Variants in EVI5 observed in about 807,000 individuals in gnomAD.
The protein encoded by EVI5 is ecotropic viral integration site 5 protein homolog.
EVI5 carries 73 observed loss-of-function variants against 112.0 expected under a neutral mutation model. The ratio of observed to expected loss-of-function variants is 0.65; its 90% CI spans 0.54 to 0.79. The LOEUF (loss-of-function observed/expected upper bound fraction) is 0.79. Ranked by LOEUF, EVI5 falls within the 30% of genes least tolerant of loss-of-function variation. The probability of loss-of-function intolerance (pLI) is 0.00; values close to 1 mark genes in which losing one functional copy is unlikely to be tolerated. For missense variants in EVI5, 900 were observed against 968.8 expected, an observed-to-expected ratio of 0.93 and a Z score of 0.94; for synonymous variants, 305 against 319.9, an observed-to-expected ratio of 0.95 and a Z score of 0.50.
intron 19 of EVI5, among the ~76,000 whole-genome samples, chr1:92,522,756 ACATT>A (rs886526368): frequency 6.6e-6 from 1 of 151,910 alleles, no homozygotes; most frequent in African/African-American, 2.4e-5. Context: ...AAAGTTTAAA[ACATT>A]CATTCATTCA....
At chr1:92,547,641 A>T (rs961277051) in intron 19 of EVI5, among the ~76,000 whole-genome samples, 1 of 152,170 alleles carries the variant, frequency 6.6e-6, no homozygotes, top group Non-Finnish European at 1.5e-5. Context: ...TCAAATAGAC[A>T]CAATAAAAAA....
intron 19 of EVI5, among the ~76,000 whole-genome samples, chr1:92,534,472 A>G (rs1056189977): frequency 2.0e-5 from 3 of 152,218 alleles, no homozygotes; most frequent in African/African-American, 7.2e-5. Context: ...CGTATAGCCA[A>G]GACAATCCTA....
At chr1:92,684,744 G>C (rs1322879285) in intron 9 of EVI5, among the ~76,000 whole-genome samples, 1 of 151,798 alleles carries the variant, frequency 6.6e-6, no homozygotes, top group Non-Finnish European at 1.5e-5. Context: ...AAAAAAGCAT[G>C]GGTTGCAATC....
At chr1:92,588,299 C>T (rs1410557974) in intron 18 of EVI5, among the ~76,000 whole-genome samples, 1 of 152,158 alleles carries the variant, frequency 6.6e-6, no homozygotes, top group Non-Finnish European at 1.5e-5. Context: ...AGTTTTAGGT[C>T]CTACATAATT....
intron 2 of EVI5, among the ~76,000 whole-genome samples, chr1:92,717,481 G>A (rs1673931395): frequency 6.6e-6 from 1 of 152,172 alleles, no homozygotes; most frequent in Non-Finnish European, 1.5e-5. Flanking sequence ...ATCCTTTACA[G>A]ACAAGCAAAT....
chr1:92,783,662 A>T (rs1685183593), intron 1 of EVI5, among the ~76,000 whole-genome samples: 1 of 151,434 alleles, frequency 6.6e-6, no homozygotes. Flanking sequence ...AAATACAAAA[A>T]TTAGCTGGGA....
At chr1:92,709,454 T>C (rs1404058070) in intron 2 of EVI5, among the ~76,000 whole-genome samples, 1 of 152,200 alleles carries the variant, frequency 6.6e-6, no homozygotes, top group Non-Finnish European at 1.5e-5. Context: ...TAAGCCCTTC[T>C]GAACTTTTTA....
At chr1:92,526,159 A>G (rs1455907955) in intron 19 of EVI5, among the ~76,000 whole-genome samples, 1 of 152,164 alleles carries the variant, frequency 6.6e-6, no homozygotes, top group Non-Finnish European at 1.5e-5. Context: ...CCCTGGCTCA[A>G]GTGAGCCTTC....
At chr1:92,628,285 A>T (rs753862354) in intron 14 of EVI5, among the ~76,000 whole-genome samples, 8 of 151,926 alleles carry the variant, frequency 5.3e-5, no homozygotes, top group Non-Finnish European at 1.0e-4. Flanking sequence ...TTGTCTGTTC[A>T]CTCTGCTGAC....
At chr1:92,777,830 G>A (rs1308118287) in intron 1 of EVI5, among the ~76,000 whole-genome samples, 1 of 151,992 alleles carries the variant, frequency 6.6e-6, no homozygotes, top group Non-Finnish European at 1.5e-5. Context: ...CATTATGACA[G>A]GGAGAATGAG....
chr1:92,674,543 G>C (rs1002884484), intron 10 of EVI5, among the ~76,000 whole-genome samples: 4 of 152,080 alleles, frequency 2.6e-5, no homozygotes, highest in African/African-American at 9.7e-5. Flanking sequence ...TCAGGGGGTG[G>C]AGGGCTAGGG....
chr1:92,714,040 G>GA, intron 2 of EVI5: 1 of 984,436 alleles, frequency 1.0e-6, no homozygotes, highest in Non-Finnish European at 1.2e-6. Flanking sequence ...ATTTTAAAAT[G>GA]AAAAAAGAAA....
At chr1:92,530,146 A>G (rs1435838324) in intron 19 of EVI5, among the ~76,000 whole-genome samples, 2 of 152,192 alleles carry the variant, frequency 1.3e-5, no homozygotes, top group Non-Finnish European at 2.9e-5. Flanking sequence ...ACTTGACAAG[A>G]GCAGGCACAT....
At chr1:92,677,653 T>G (rs1269628701) in intron 9 of EVI5, among the ~76,000 whole-genome samples, 1 of 152,112 alleles carries the variant, frequency 6.6e-6, no homozygotes, top group African/African-American at 2.4e-5. Flanking sequence ...AGAATTCCAA[T>G]TAATAGACAT....
chr1:92,528,758 T>C (rs1662347833), intron 19 of EVI5, among the ~76,000 whole-genome samples: 2 of 152,216 alleles, frequency 1.3e-5, no homozygotes, highest in African/African-American at 4.8e-5. Context: ...TTTGTCATGT[T>C]AGAAGTCAGG....
chr1:92,561,164 T>C (rs1469877922), intron 19 of EVI5, among the ~76,000 whole-genome samples: 3 of 152,214 alleles, frequency 2.0e-5, no homozygotes, highest in African/African-American at 4.8e-5. Flanking sequence ...GAGATATTTT[T>C]ATGGTAAGCA....
At chr1:92,539,449 T>C (rs10735778) in intron 19 of EVI5, among the ~76,000 whole-genome samples, 128,227 of 150,364 alleles carry the variant, frequency 0.85, 54,967 homozygotes, top group East Asian at 0.97. Context: ...AGGGTGAGGC[T>C]GGAGGATGGC....
chr1:92,744,445 T>G lies in EVI5; in HGVS notation c.-81-7818A>C, dbSNP rs200543046. On this transcript the variant is annotated intron_variant, in intron 1 of 19. Coordinates refer to ENST00000684568, the MANE Select transcript of EVI5 (RefSeq NM_001350197.2). ...TGAATTTGTCTATTACTCCTTACACTGCTATTGGTTTTTGCCTCACAGACT... is the reference window on the plus strand; with the variant it reads ...TGAATTTGTCTATTACTCCTTACACGGCTATTGGTTTTTGCCTCACAGACT... Among the ~76,000 whole-genome samples the G allele has an allele frequency of 5.9e-5, 9 of 152,192 alleles. No homozygotes were observed. The East Asian group carries it at 1.3e-3, about 23-fold the overall frequency.
At chr1:92,538,923 A>C (rs1473305485) in intron 19 of EVI5, among the ~76,000 whole-genome samples, 1 of 152,216 alleles carries the variant, frequency 6.6e-6, no homozygotes, top group Non-Finnish European at 1.5e-5. Context: ...ACTTGAAAGA[A>C]AGCTGGGGCT....
Sources: allele counts gnomAD v4.1 joint callset (sites outside exome capture counted in the v4.1 genomes callset), GRCh38; gene constraint gnomAD v4.1.1; transcripts MANE v1.5; gene names NCBI Gene and HGNC (gene_info 2026-07-23, HGNC 2026-07-21).